ZKSCAN4: variants seen among roughly 807,000 people sequenced by gnomAD.
ZKSCAN4 encodes zinc finger protein with KRAB and SCAN domains 4.
A neutral mutation model predicts 30.8 loss-of-function variants in ZKSCAN4; 23 were observed. The ratio of observed to expected loss-of-function variants is 0.75; its 90% confidence interval spans 0.54 to 1.06. The LOEUF (loss-of-function observed/expected upper bound fraction) is 1.06, where lower values mean the gene tolerates loss of function less well. Ranked by LOEUF, ZKSCAN4 falls within the 50% of genes least tolerant of loss-of-function variation. The pLI, the probability that ZKSCAN4 is intolerant of heterozygous loss-of-function variation, is 0.00. For synonymous variants in ZKSCAN4, 208 were observed against 252.5 expected (o/e 0.82, Z 1.67); for missense variants, 556 against 665.4 (o/e 0.84, Z 1.81).
intron 3 of ZKSCAN4, 88 bp from the exon 4 acceptor site, chr6:28,247,180 TAA>T: frequency 7.0e-7 from 1 of 1,428,430 alleles, no homozygotes; most frequent in Non-Finnish European, 9.3e-7. Flanking sequence ...AGAGGCTCTT[TAA>T]AAAGGAGCAA....
upstream of ZKSCAN4, among the ~76,000 whole-genome samples, chr6:28,256,394 C>T (rs1012706151): frequency 6.6e-6 from 1 of 152,180 alleles, no homozygotes; most frequent in Admixed American, 6.5e-5. Flanking sequence ...TAGTACCACT[C>T]CACTCTAGCA....
At chr6:28,246,840 A>G (rs1760755151) in intron 4 of ZKSCAN4, 129 bp downstream of exon 4, 1 of 1,154,756 alleles carries the variant, frequency 8.7e-7, no homozygotes. Flanking sequence ...GTAGTCAGTA[A>G]CAGGCTTTCA....
At chr6:28,250,242 T>C (rs1187282447) in intron 1 of ZKSCAN4, among the ~76,000 whole-genome samples, 1 of 152,172 alleles carries the variant, frequency 6.6e-6, no homozygotes, top group Non-Finnish European at 1.5e-5. Flanking sequence ...TAATGTTTTG[T>C]ACTTTTAGTA....
In ZKSCAN4 at chr6:28,244,969, C is replaced by T; in HGVS notation, c.*147G>A. On this transcript the variant is annotated 3_prime_UTR_variant, in exon 5 of 5. Coordinates refer to ENST00000377294, the MANE Select transcript of ZKSCAN4 (RefSeq NM_019110.5). ...TTCTAGAATGTAGAAGATAACTCAT[C>T]GTCTCAGCCAGACTACATTTTCTAA... 2.0e-6 allele frequency: 2 copies of T among 1,006,682 alleles called. No individual in the cohort carries two copies. The highest frequency in any genetic ancestry group is 1.6e-6 in the Non-Finnish European group (1 of 643,490). The allele number at this position is 1,006,682 out of a possible 1,614,324, so 62.4% of individuals were successfully genotyped here.
chr6:28,246,982 G>A lies in ZKSCAN4; in HGVS notation c.765C>T (p.Ser255=). ...TCTCAGTCTTACCAAGGGAGACCAG[G>A]CTGCTATGGTTCTCCTGCTTTTCAT... The part of the protein sequence containing the change: ...YRDEKQENHS[S]LVSLGGEIQT... The change falls in exon 4 of 5, where the codon AGC becomes AGT. Residue 255 remains serine (S), a synonymous_variant. Transcript: ENST00000377294. 2 of 1,611,504 alleles carry A rather than the reference G, an allele frequency of 1.2e-6. No individual in the cohort carries two copies. The highest frequency in any genetic ancestry group is 1.7e-6 in the Non-Finnish European group (2 of 1,178,968).
In ZKSCAN4 at chr6:28,252,086, C is replaced by T. The variant is rs944276516; in HGVS notation, c.-106G>A. On this transcript the variant is annotated 5_prime_UTR_variant, in exon 1 of 5. Coordinates refer to ENST00000377294, the MANE Select transcript of ZKSCAN4 (RefSeq NM_019110.5). Reference sequence around the variant, plus strand: ...TCCAGTAGAACTGCAAGTGGTCCCCCTCCTGTCATGCCCAGGGGCCCAGGA... The same window carrying T: ...TCCAGTAGAACTGCAAGTGGTCCCCTTCCTGTCATGCCCAGGGGCCCAGGA... The T allele has an allele frequency of 3.9e-6, 5 of 1,286,968 alleles. No individual in the cohort carries two copies. Among genetic ancestry groups the T allele is most frequent in the Non-Finnish European group, 5.3e-6 (5 of 942,900 alleles). The allele number at this position is 1,286,968 out of a possible 1,614,324, so 79.7% of individuals were successfully genotyped here. A position where few individuals can be genotyped will look rare whatever the true frequency, so the allele number is the denominator to read the frequency against.
upstream of ZKSCAN4, among the ~76,000 whole-genome samples, chr6:28,255,740 G>C (rs1581594405): frequency 6.6e-6 from 1 of 151,908 alleles, no homozygotes; most frequent in East Asian, 1.9e-4. Flanking sequence ...ATGGACATAG[G>C]TTTGACTTTA....
At chr6:28,254,066 G>A (rs1284130857), upstream of ZKSCAN4, among the ~76,000 whole-genome samples, 1 of 152,236 alleles carries the variant, frequency 6.6e-6, no homozygotes, top group African/African-American at 2.4e-5. Flanking sequence ...AGAACAGAAT[G>A]ATGCAGGACA....
intron 1 of ZKSCAN4, among the ~76,000 whole-genome samples, chr6:28,250,484 G>C (rs1477680958): frequency 6.6e-6 from 1 of 152,146 alleles, no homozygotes; most frequent in African/African-American, 2.4e-5. Context: ...ATTACTCTAG[G>C]CTCCCTCATT....
At position 28,246,960 on chromosome 6, in the gene ZKSCAN4, C is replaced by T; in HGVS notation, c.778+9G>A. The T allele has an allele frequency of 6.2e-7, 1 of 1,602,754 alleles. No homozygotes were observed. On this transcript the variant is annotated intron_variant, in intron 4 of 4. Transcript: ENST00000377294. ...GAAATCTTAAGACAAATTAGTGTCT[C>T]AGTCTTACCAAGGGAGACCAGGCTG...
At chr6:28,248,180 T>C in intron 2 of ZKSCAN4, 31 bp from the exon 3 acceptor site, 2 of 1,565,000 alleles carry the variant, frequency 1.3e-6, no homozygotes. Context: ...GGATGAGAAC[T>C]ACCCTAGTAT....
rs2113689696 is a variant in ZKSCAN4 at position 28,251,414 on chromosome 6, G to A, written c.423+144C>T. On this transcript the variant is annotated intron_variant, in intron 1 of 4. Coordinates refer to ENST00000377294, the MANE Select transcript of ZKSCAN4 (RefSeq NM_019110.5). The surrounding 1 kb of genome is among the most constrained non-coding windows in gnomAD (Gnocchi z 4.5). Reference sequence around the variant, plus strand: ...AATATAATTCTGAGAAGGAGTCCAGGGACTTCACCTTACTGCCAAGGAGGT... The same window carrying A: ...AATATAATTCTGAGAAGGAGTCCAGAGACTTCACCTTACTGCCAAGGAGGT... 1 of 1,332,492 alleles carries A rather than the reference G, an allele frequency of 7.5e-7. No homozygotes were observed. The highest frequency in any genetic ancestry group is 2.5e-5 in the East Asian group (1 of 40,066). 82.5% of individuals were successfully genotyped at this position (1,332,492 alleles called of 1,614,324 possible).
At position 28,251,656 on chromosome 6, in the gene ZKSCAN4, G is replaced by A. The variant is rs777159656; in HGVS notation, c.325C>T (p.Leu109=). 66 of 1,614,106 alleles carry A rather than the reference G, an allele frequency of 4.1e-5. No homozygotes were observed. Among genetic ancestry groups the A allele is most frequent in the Non-Finnish European group, 5.3e-5 (63 of 1,180,050 alleles). The change falls in exon 1 of 5, where the codon CTG becomes TTG. Residue 109 remains leucine, a synonymous_variant. Transcript: ENST00000377294. The surrounding 1 kb of genome is among the most constrained non-coding windows in gnomAD (Gnocchi z 4.5). The part of the protein sequence containing the change: ...EQFLTILPGN[L]QSWVREQHPE... The stretch of plus-strand genomic sequence containing the variant: ...TGCTGCTCCCGCACCCAGCTCTGCA[G>A]ATTCCCCGGCAGGATGGTCAGGAAC...
rs1760976327 is a variant in ZKSCAN4, at chr6:28,251,170, A to G, written c.423+388T>C. The stretch of plus-strand genomic sequence containing the variant: ...CAGTACCCAGGACTTTGTCACCAAC[A>G]AAACCTGCACGTTTTCACACCACAT... On this transcript the variant is annotated intron_variant, in intron 1 of 4. Transcript: ENST00000377294. This position sits in a 1 kb window ranked among gnomAD's most constrained non-coding sequence, Gnocchi z 4.5. Among the ~76,000 whole-genome samples, 1 of 152,186 alleles carries G rather than the reference A, an allele frequency of 6.6e-6. No individual in the cohort carries two copies. Among genetic ancestry groups the G allele is most frequent in the Non-Finnish European group, 1.5e-5 (1 of 68,038 alleles).
At position 28,251,803 on chromosome 6, in the gene ZKSCAN4, G is replaced by T. The variant is rs1427710474; in HGVS notation, c.178C>A (p.Arg60Ser). 6.2e-7 allele frequency: 1 copy of T among 1,613,070 alleles called. No individual in the cohort carries two copies. The highest frequency in any genetic ancestry group is 8.5e-7 in the Non-Finnish European group (1 of 1,179,306). The part of the protein sequence containing the change: ...ERSRQRFRGF[R>S]YPEAAGPREA... ...CGGGGGCCCGCAGCCTCCGGGTAGCGGAAGCCTCGGAAGCGCTGGCGGGAG... is the reference window on the plus strand; with the variant it reads ...CGGGGGCCCGCAGCCTCCGGGTAGCTGAAGCCTCGGAAGCGCTGGCGGGAG... Residue 60 changes from arginine to serine, a missense_variant, in exon 1 of 5, where the codon CGC becomes AGC. By Grantham distance (110) the Arg-to-Ser change is moderately radical. Around this residue, in one of 3 missense-constraint regions of ZKSCAN4, gnomAD observed 115 missense variants for 125.9 expected, o/e 0.91. Transcript: ENST00000377294. The surrounding 1 kb of genome is among the most constrained non-coding windows in gnomAD (Gnocchi z 4.5).
rs1024652680 is a variant in ZKSCAN4, at chr6:28,243,471, C to T, written c.*1645G>A. Among the ~76,000 whole-genome samples, 3 of 152,100 alleles carry T rather than the reference C, an allele frequency of 2.0e-5. No homozygotes were observed. The highest frequency in any genetic ancestry group is 4.8e-5 in the African/African-American group (2 of 41,396). On this transcript the variant is annotated 3_prime_UTR_variant, in exon 5 of 5. Transcript: ENST00000377294. ...GATGGTAATAGGCACTTGAGCACTTCGGAAGAAATCAGTCTTTAAGCATCG... is the reference window on the plus strand; with the variant it reads ...GATGGTAATAGGCACTTGAGCACTTTGGAAGAAATCAGTCTTTAAGCATCG...
intron 1 of ZKSCAN4, among the ~76,000 whole-genome samples, chr6:28,250,288 C>T (rs986523486): frequency 6.6e-6 from 1 of 152,148 alleles, no homozygotes; most frequent in African/African-American, 2.4e-5. Context: ...AGGCTGGTCT[C>T]GAACTCCCGA....
upstream of ZKSCAN4, among the ~76,000 whole-genome samples, chr6:28,255,813 G>T (rs189875969): frequency 4.6e-5 from 7 of 151,888 alleles, no homozygotes; most frequent in Non-Finnish European, 7.4e-5. Context: ...GGGCCCTGGG[G>T]GGTAAAGGCT....
chr6:28,256,839 G>A (rs1761194018), upstream of ZKSCAN4, among the ~76,000 whole-genome samples: 1 of 152,152 alleles, frequency 6.6e-6, no homozygotes, highest in African/African-American at 2.4e-5. Flanking sequence ...TTTTTTAATG[G>A]TCTGAGTGAG....
Sources: gnomAD v4.1 joint callset for allele counts (sites outside exome capture counted in the v4.1 genomes callset) on GRCh38, gnomAD v4.1.1 for gene constraint, gnomAD v4.1.1 regional missense constraint, Gnocchi (gnomAD v3.1) non-coding constraint, MANE v1.5 for transcripts, NCBI Gene and HGNC (gene_info 2026-07-23, HGNC 2026-07-21) for gene names.